The following FAM135B variants were observed in gnomAD, a reference collection of about 807,000 sequenced individuals.
The protein encoded by FAM135B is protein FAM135B.
A neutral mutation model predicts 127.7 loss-of-function variants in FAM135B; 43 were observed. That is an observed-to-expected ratio of 0.34 (90% CI 0.26 to 0.43). The LOEUF (loss-of-function observed/expected upper bound fraction) is 0.43. Among genes scored for constraint, FAM135B ranks in the 20% least tolerant of loss-of-function variants. FAM135B has a pLI of 1.00. For synonymous variants in FAM135B, 670 were observed against 665.1 expected (o/e 1.01, Z -0.11); for missense variants, 1,558 against 1,725.6 (o/e 0.90, Z 1.72).
intron 1 of FAM135B, among the ~76,000 whole-genome samples, chr8:138,464,459 G>C (rs1837290707): frequency 6.6e-6 from 1 of 152,144 alleles, no homozygotes; most frequent in African/African-American, 2.4e-5. Flanking sequence ...CCTTAGAACA[G>C]AGGTTTAATT....
intron 11 of FAM135B, among the ~76,000 whole-genome samples, chr8:138,173,437 T>A (rs570596544): frequency 1.3e-5 from 2 of 152,270 alleles, no homozygotes; most frequent in South Asian, 4.1e-4. Flanking sequence ...CATGCTTGTG[T>A]CGCTTGCTGG....
chr8:138,174,236 G>A (rs145609265), intron 11 of FAM135B, among the ~76,000 whole-genome samples: 4 of 152,268 alleles, frequency 2.6e-5, no homozygotes, highest in Admixed American at 2.6e-4. Context: ...AATTTAATCT[G>A]AGCTCGAACA....
intron 12 of FAM135B, among the ~76,000 whole-genome samples, chr8:138,164,243 G>A (rs1158328437): frequency 1.3e-5 from 2 of 152,138 alleles, no homozygotes; most frequent in Non-Finnish European, 2.9e-5. Context: ...AAGGGGTACA[G>A]ATATTTCTGT....
chr8:138,367,846 GGAAA>G (rs1721671508), intron 2 of FAM135B, 57 bp downstream of exon 2: 4 of 1,271,160 alleles, frequency 3.1e-6, no homozygotes, highest in African/African-American at 1.5e-5. Flanking sequence ...CTTCTTCCAC[GGAAA>G]GAAACAAACA....
chr8:138,148,441 C>A, intron 14 of FAM135B, 79 bp downstream of exon 14: 1 of 1,062,496 alleles, frequency 9.4e-7, no homozygotes, highest in Non-Finnish European at 1.3e-6. Context: ...TGAATGAATA[C>A]CTCATCTAAA....
At chr8:138,140,087 A>G (rs774232642) in intron 17 of FAM135B, among the ~76,000 whole-genome samples, 1 of 152,240 alleles carries the variant, frequency 6.6e-6, no homozygotes, top group Non-Finnish European at 1.5e-5. Flanking sequence ...AATGTAGTTT[A>G]ACAAATTTGT....
intron 7 of FAM135B, among the ~76,000 whole-genome samples, chr8:138,224,856 A>C (rs1362411794): frequency 6.6e-6 from 1 of 152,168 alleles, no homozygotes; most frequent in East Asian, 1.9e-4. Flanking sequence ...TGTGGAATCT[A>C]AAAAAAGTCA....
intron 1 of FAM135B, among the ~76,000 whole-genome samples, chr8:138,495,438 G>A (rs1171010473): frequency 1.3e-5 from 2 of 152,134 alleles, no homozygotes; most frequent in African/African-American, 4.8e-5. Flanking sequence ...CTCCAGATGA[G>A]AGGTTGGCCA....
chr8:138,175,168 A>G (rs4243884), intron 11 of FAM135B, among the ~76,000 whole-genome samples: 90,211 of 152,072 alleles, frequency 0.59, 27,405 homozygotes, highest in East Asian at 0.98. Flanking sequence ...GGTAAAAGAA[A>G]AACAAAAGCA....
intron 7 of FAM135B, among the ~76,000 whole-genome samples, chr8:138,225,995 G>A (rs1407519223): frequency 6.6e-6 from 1 of 152,126 alleles, no homozygotes; most frequent in African/African-American, 2.4e-5. Context: ...TGTTTAATTA[G>A]AAGAGGAGAG....
At chr8:138,489,026 C>T (rs115514211) in intron 1 of FAM135B, among the ~76,000 whole-genome samples, 329 of 152,240 alleles carry the variant, frequency 2.2e-3, no homozygotes, top group African/African-American at 7.5e-3. Flanking sequence ...AACACCTTTG[C>T]TTCCTCTACC....
chr8:138,387,330 C>G (rs1277921524), intron 1 of FAM135B, among the ~76,000 whole-genome samples: 1 of 152,164 alleles, frequency 6.6e-6, no homozygotes, highest in Non-Finnish European at 1.5e-5. Flanking sequence ...CCACCTGCAG[C>G]TACCTACTTC....
chr8:138,400,764 A>C (rs1272255997), intron 1 of FAM135B, among the ~76,000 whole-genome samples: 8 of 152,154 alleles, frequency 5.3e-5, no homozygotes, highest in Admixed American at 5.2e-4. Flanking sequence ...CACGTAGGGA[A>C]GTGTCCCATC....
chr8:138,337,164 A>C (rs1365113536), intron 2 of FAM135B, among the ~76,000 whole-genome samples: 2 of 152,008 alleles, frequency 1.3e-5, no homozygotes, highest in African/African-American at 4.8e-5. Flanking sequence ...CTGAATGGGC[A>C]AAAACTGGAA....
intron 11 of FAM135B, among the ~76,000 whole-genome samples, chr8:138,173,799 G>A (rs527282571): frequency 2.6e-5 from 4 of 152,214 alleles, no homozygotes; most frequent in South Asian, 2.1e-4. Context: ...TGAATACATC[G>A]GTGTAGACCT....
intron 10 of FAM135B, among the ~76,000 whole-genome samples, chr8:138,178,291 T>C (rs1036707313): frequency 1.4e-4 from 22 of 152,020 alleles, no homozygotes; most frequent in East Asian, 5.8e-4. Context: ...CAAAATACTT[T>C]TAATATTTCT....
intron 9 of FAM135B, among the ~76,000 whole-genome samples, chr8:138,183,928 A>T: frequency 6.6e-6 from 1 of 152,238 alleles, no homozygotes; most frequent in East Asian, 1.9e-4. Flanking sequence ...AAATATAAAT[A>T]GAACTCAGTC....
At chr8:138,414,920 C>T (rs778322044) in intron 1 of FAM135B, among the ~76,000 whole-genome samples, 1 of 152,112 alleles carries the variant, frequency 6.6e-6, no homozygotes, top group Non-Finnish European at 1.5e-5. Context: ...CACAGCAGGT[C>T]CCTGAGTTCT....
At chr8:138,308,991 C>T (rs1193059053) in intron 3 of FAM135B, 2 of 454,622 alleles carry the variant, frequency 4.4e-6, no homozygotes, top group Non-Finnish European at 8.8e-6. Flanking sequence ...GGCTACTTAC[C>T]TTGTGCTGGT....
Sources: allele counts gnomAD v4.1 joint callset (sites outside exome capture counted in the v4.1 genomes callset), GRCh38; gene constraint gnomAD v4.1.1; transcripts MANE v1.5; gene names NCBI Gene and HGNC (gene_info 2026-07-23, HGNC 2026-07-21).